The following SORBS2 variants were observed in gnomAD, a reference collection of about 807,000 sequenced individuals.
The protein encoded by SORBS2 is sorbin and SH3 domain-containing protein 2.
In SORBS2, 46 loss-of-function variants were observed where a neutral mutation model predicts 97.7. The ratio of observed to expected loss-of-function variants is 0.47; its 90% CI spans 0.37 to 0.60. The LOEUF (loss-of-function observed/expected upper bound fraction) is 0.60. Among genes scored for constraint, SORBS2 ranks in the 20% least tolerant of loss-of-function variants. The pLI, the probability that SORBS2 is intolerant of heterozygous loss-of-function variation, is 0.00. For synonymous variants in SORBS2, 476 were observed against 473.4 expected (o/e 1.01, Z -0.07); for missense variants, 1,316 against 1,282.3 (o/e 1.03, Z -0.40).
chr4:185,794,419 T>C (rs2099095905), intron 1 of SORBS2, among the ~76,000 whole-genome samples: 1 of 152,226 alleles, frequency 6.6e-6, no homozygotes, highest in South Asian at 2.1e-4. Context: ...TCATTAAATT[T>C]ACATTTTTAA....
At chr4:185,922,905 C>G (rs1274065100) in intron 1 of SORBS2, among the ~76,000 whole-genome samples, 3 of 152,270 alleles carry the variant, frequency 2.0e-5, no homozygotes, top group Non-Finnish European at 1.5e-5. Flanking sequence ...ACTGAGGGAA[C>G]TGAAACTGAA....
At chr4:185,587,472 G>T in exon 15 of SORBS2, 1 of 649,080 alleles carries the variant, frequency 1.5e-6, no homozygotes. Context: ...CACAGCAGCG[G>T]CGGCTACTCT....
intron 1 of SORBS2, among the ~76,000 whole-genome samples, chr4:185,807,094 C>A (rs1258570535): frequency 2.6e-5 from 4 of 151,590 alleles, no homozygotes; most frequent in Non-Finnish European, 4.4e-5. Flanking sequence ...TTTAAAAAAT[C>A]AAAAATTTAA....
intron 2 of SORBS2, among the ~76,000 whole-genome samples, chr4:185,712,502 G>C (rs2098430146): frequency 6.6e-6 from 1 of 152,220 alleles, no homozygotes; most frequent in Non-Finnish European, 1.5e-5. Context: ...AATATAAAAG[G>C]CTGTCACACT....
chr4:185,610,384 G>A (rs2096514425), intron 12 of SORBS2, among the ~76,000 whole-genome samples: 1 of 151,316 alleles, frequency 6.6e-6, no homozygotes, highest in Non-Finnish European at 1.5e-5. Flanking sequence ...TAAATGCTAA[G>A]GTCTGGTAAT....
chr4:185,651,730 T>G (rs1023462859), intron 2 of SORBS2, 54 bp downstream of exon 11: 3 of 999,392 alleles, frequency 3.0e-6, no homozygotes, highest in Non-Finnish European at 4.8e-6. Flanking sequence ...GTGTCGTTCT[T>G]CCAAACATTG....
chr4:185,673,929 C>G (rs986247854), intron 4 of SORBS2, among the ~76,000 whole-genome samples: 1 of 152,160 alleles, frequency 6.6e-6, no homozygotes, highest in Non-Finnish European at 1.5e-5. Context: ...CACATTTTCC[C>G]AGATTTCCTC....
chr4:185,599,881 A>G (rs2096214306), intron 12 of SORBS2, among the ~76,000 whole-genome samples: 1 of 147,094 alleles, frequency 6.8e-6, no homozygotes, highest in African/African-American at 2.6e-5. Flanking sequence ...ACTAAGGAAG[A>G]GCCAGCCCTG....
At chr4:185,863,382 T>G (rs1380726433) in intron 1 of SORBS2, among the ~76,000 whole-genome samples, 1 of 152,224 alleles carries the variant, frequency 6.6e-6, no homozygotes, top group Non-Finnish European at 1.5e-5. Context: ...ATCATTACAG[T>G]ACTGTGCAAC....
In SORBS2 at chr4:185,623,976, C is replaced by T. The variant is rs771608241; in HGVS notation, c.1153G>A (p.Glu385Lys). 6.8e-6 allele frequency: 11 copies of T among 1,614,170 alleles called. No individual in the cohort carries two copies. Among genetic ancestry groups the T allele is most frequent in the East Asian group, 2.2e-5 (1 of 44,866 alleles). ...AGGTCCTTGTGCTGCTGCTCGCTCT[C>T]GTACTGCAGAATCCTGGACTTCACG... is the stretch of plus-strand genomic sequence containing the variant. Residue 385 changes from glutamate to lysine, a missense_variant, in exon 7 of 15, where the codon GAG becomes AAG. Transcript: ENST00000418609. The surrounding 1 kb of genome is among the most constrained non-coding windows in gnomAD (Gnocchi z 6.4).
chr4:185,815,747 A>G (rs2099192928), intron 1 of SORBS2, among the ~76,000 whole-genome samples: 1 of 152,012 alleles, frequency 6.6e-6, no homozygotes, highest in African/African-American at 2.4e-5. Flanking sequence ...CAATCTACCT[A>G]TCTATCATCT....
intron 1 of SORBS2, among the ~76,000 whole-genome samples, chr4:185,954,202 A>G (rs2099278537): frequency 6.6e-6 from 1 of 152,194 alleles, no homozygotes. Context: ...GTTGCCATTC[A>G]TCAAGGTTGC....
At chr4:185,753,356 G>C (rs2098812674) in intron 2 of SORBS2, among the ~76,000 whole-genome samples, 2 of 152,154 alleles carry the variant, frequency 1.3e-5, no homozygotes, top group Non-Finnish European at 2.9e-5. Context: ...GGGAGAATTA[G>C]AAATTGCATA....
chr4:185,902,481 A>G (rs1356042338), intron 1 of SORBS2, among the ~76,000 whole-genome samples: 1 of 152,144 alleles, frequency 6.6e-6, no homozygotes, highest in Non-Finnish European at 1.5e-5. Context: ...AAGTTCCTCA[A>G]CATCTTAAGG....
intron 1 of SORBS2, among the ~76,000 whole-genome samples, chr4:185,901,545 A>G (rs1032782454): frequency 2.0e-5 from 3 of 152,164 alleles, no homozygotes; most frequent in Non-Finnish European, 4.4e-5. Context: ...TGGCAGAAAT[A>G]TTTTAAAAAT....
At chr4:185,917,904 C>T (rs2099259042) in intron 1 of SORBS2, among the ~76,000 whole-genome samples, 1 of 152,118 alleles carries the variant, frequency 6.6e-6, no homozygotes, top group African/African-American at 2.4e-5. Flanking sequence ...GTGTTTTTTC[C>T]ACTCAGATTG....
intron 1 of SORBS2, among the ~76,000 whole-genome samples, chr4:185,939,013 C>T (rs184807193): frequency 1.1e-4 from 17 of 152,300 alleles, no homozygotes; most frequent in African/African-American, 2.2e-4. Flanking sequence ...ACAGATTTCC[C>T]GATAAATACT....
intron 1 of SORBS2, among the ~76,000 whole-genome samples, chr4:185,887,716 C>T (rs1443499247): frequency 6.6e-6 from 1 of 152,076 alleles, no homozygotes. Context: ...GTGGTAGCAC[C>T]CTCCTACTAT....
chr4:185,758,046 G>A (rs1349544948), intron 2 of SORBS2, among the ~76,000 whole-genome samples: 1 of 152,226 alleles, frequency 6.6e-6, no homozygotes. Flanking sequence ...CTAGAGTTGT[G>A]TGGAGGCTGC....
Sources: allele counts gnomAD v4.1 joint callset (sites outside exome capture counted in the v4.1 genomes callset), GRCh38; gene constraint gnomAD v4.1.1; non-coding constraint Gnocchi (gnomAD v3.1); transcripts MANE v1.5; gene names NCBI Gene and HGNC (gene_info 2026-07-23, HGNC 2026-07-21).